VPS13B: variants seen among roughly 807,000 people sequenced by gnomAD.
VPS13B encodes the protein vacuolar protein sorting 13 homolog B, also known as intermembrane lipid transfer protein VPS13B.
Under a neutral mutation model 426.4 loss-of-function variants are expected in VPS13B, and 285 were observed. The observed-to-expected ratio is 0.67, with a 90% CI of 0.61 to 0.74. VPS13B has a LOEUF of 0.74. Ranked by LOEUF, VPS13B falls within the 30% of genes least tolerant of loss-of-function variation. The probability of loss-of-function intolerance (pLI) is 0.00; values close to 1 mark genes in which losing one functional copy is unlikely to be tolerated. For synonymous variants in VPS13B, 1,676 were observed against 1,676.4 expected, an observed-to-expected ratio of 1.00 and a Z score of 0.01; for missense variants, 4,537 against 4,782.6, an observed-to-expected ratio of 0.95 and a Z score of 1.51.
chr8:99,519,891 GTA>G (rs1350083385), intron 29 of VPS13B, among the ~76,000 whole-genome samples: 1 of 152,010 alleles, frequency 6.6e-6, no homozygotes, highest in Non-Finnish European at 1.5e-5. Flanking sequence ...CATGGCACAT[GTA>G]TACATATGTA....
At chr8:99,492,020 T>C (rs373008962) in intron 25 of VPS13B, among the ~76,000 whole-genome samples, 13 of 152,196 alleles carry the variant, frequency 8.5e-5, no homozygotes, top group African/African-American at 2.9e-4. Context: ...TGTTCTTTGA[T>C]GTTGGTGACC....
intron 35 of VPS13B, among the ~76,000 whole-genome samples, chr8:99,663,957 T>A (rs1289846193): frequency 6.6e-6 from 1 of 152,044 alleles, no homozygotes; most frequent in African/African-American, 2.4e-5. Flanking sequence ...AAATGAAAAA[T>A]TATGTATTTA....
chr8:99,394,065 T>C (rs1231387870), intron 21 of VPS13B, among the ~76,000 whole-genome samples: 1 of 152,024 alleles, frequency 6.6e-6, no homozygotes, highest in African/African-American at 2.4e-5. Context: ...TTTTTGTTTG[T>C]TTTTTAACCA....
intron 39 of VPS13B, among the ~76,000 whole-genome samples, chr8:99,746,580 A>G (rs536821070): frequency 2.0e-5 from 3 of 152,194 alleles, no homozygotes; most frequent in Non-Finnish European, 4.4e-5. Flanking sequence ...AATCTTGCGC[A>G]TTCCATACAT....
At chr8:99,225,042 A>G (rs185365857) in intron 17 of VPS13B, among the ~76,000 whole-genome samples, 75 of 152,282 alleles carry the variant, frequency 4.9e-4, no homozygotes, top group African/African-American at 1.7e-3. Flanking sequence ...TGACATACGT[A>G]GAACTCTCTT....
chr8:99,780,421 G>T (rs1320934296), intron 42 of VPS13B, among the ~76,000 whole-genome samples: 1 of 151,888 alleles, frequency 6.6e-6, no homozygotes, highest in Non-Finnish European at 1.5e-5. Context: ...TTCCTCCCAG[G>T]GTAAAAATAC....
At chr8:99,710,982 C>T (rs1428003564) in intron 36 of VPS13B, among the ~76,000 whole-genome samples, 2 of 151,832 alleles carry the variant, frequency 1.3e-5, no homozygotes, top group East Asian at 1.9e-4. Flanking sequence ...CCAGCCTGGG[C>T]GACAGAGTGA....
intron 17 of VPS13B, among the ~76,000 whole-genome samples, chr8:99,262,040 T>C (rs1818068123): frequency 6.6e-6 from 1 of 152,204 alleles, no homozygotes; most frequent in Non-Finnish European, 1.5e-5. Flanking sequence ...TGACTCCTTT[T>C]GCTGGTGATT....
chr8:99,801,960 G>A (rs1236979874), intron 43 of VPS13B, among the ~76,000 whole-genome samples: 6 of 152,032 alleles, frequency 3.9e-5, no homozygotes, highest in African/African-American at 1.5e-4. Flanking sequence ...GAGCAGCCTG[G>A]GCAACACGGC....
At chr8:99,560,220 G>C (rs562439203) in intron 31 of VPS13B, among the ~76,000 whole-genome samples, 14 of 152,224 alleles carry the variant, frequency 9.2e-5, no homozygotes, top group Admixed American at 2.0e-4. Context: ...TCTGTTATTG[G>C]TGAATAGGAA....
intron 34 of VPS13B, among the ~76,000 whole-genome samples, chr8:99,646,239 G>T (rs942086035): frequency 2.6e-5 from 4 of 152,128 alleles, no homozygotes; most frequent in African/African-American, 9.7e-5. Context: ...TTTTGGGTGG[G>T]CACAGTGTCT....
chr8:99,147,796 T>C (rs1283753818), intron 13 of VPS13B, 45 bp from the exon 14 acceptor site: 3 of 1,250,256 alleles, frequency 2.4e-6, no homozygotes, highest in Non-Finnish European at 3.2e-6. Flanking sequence ...TTAAGAATAT[T>C]ATTTAAAAAT....
At chr8:99,134,524 T>C in intron 8 of VPS13B, 108 bp from the exon 9 acceptor site, 1 of 874,678 alleles carries the variant, frequency 1.1e-6, no homozygotes, top group East Asian at 2.7e-5. Context: ...ATATTTAAAT[T>C]TCCTGAATCT....
chr8:99,535,877 G>A (rs1223615117), intron 30 of VPS13B, among the ~76,000 whole-genome samples: 3 of 151,856 alleles, frequency 2.0e-5, no homozygotes, highest in Admixed American at 6.6e-5. Flanking sequence ...GTTGTCATCT[G>A]TAAATCTACT....
At chr8:99,265,599 G>A (rs1292810256) in intron 17 of VPS13B, among the ~76,000 whole-genome samples, 1 of 152,096 alleles carries the variant, frequency 6.6e-6, no homozygotes, top group East Asian at 1.9e-4. Context: ...CCAGGTGAGT[G>A]TCAGGTAGTT....
In VPS13B at chr8:99,653,027, C is replaced by A. The variant is rs559829628; in HGVS notation, c.5909-8327C>A. ...GGGTATTAGAACAGAAATCAGAAAT[C>A]TTGACTTTTAGCCTTGGTTCTAATG... On this transcript the variant is annotated intron_variant, in intron 34 of 61. Coordinates refer to ENST00000357162, the MANE Select transcript of VPS13B (RefSeq NM_152564.5). Among the ~76,000 whole-genome samples, 3 of 152,246 alleles carry A rather than the reference C, an allele frequency of 2.0e-5. No individual in the cohort carries two copies. In the South Asian group the frequency reaches 6.2e-4, roughly 32 times the overall value.
chr8:99,606,824 A>G (rs72674678), intron 33 of VPS13B, among the ~76,000 whole-genome samples: 29,027 of 151,948 alleles, frequency 0.19, 3,344 homozygotes, highest in East Asian at 0.45. Flanking sequence ...TTCCTGCATT[A>G]TATGGCTTAT....
chr8:99,334,410 G>C (rs1388983486), intron 19 of VPS13B, among the ~76,000 whole-genome samples: 1 of 152,096 alleles, frequency 6.6e-6, no homozygotes, highest in Non-Finnish European at 1.5e-5. Context: ...AGTGGTGAGA[G>C]AGGGCATCCC....
chr8:99,297,430 ATTAAAATAATGTT>A (rs1389939596), intron 19 of VPS13B, among the ~76,000 whole-genome samples: 1 of 152,150 alleles, frequency 6.6e-6, no homozygotes, highest in African/African-American at 2.4e-5. Flanking sequence ...CTATTTTCTT[ATTAAAATAATGTT>A]TTTTAAATAA....
Sources: allele counts gnomAD v4.1 joint callset (sites outside exome capture counted in the v4.1 genomes callset), GRCh38; gene constraint gnomAD v4.1.1; transcripts MANE v1.5; gene names NCBI Gene and HGNC (gene_info 2026-07-23, HGNC 2026-07-21).